The following BIRC3 variants were observed in gnomAD, a reference collection of about 807,000 sequenced individuals.
The protein encoded by BIRC3 is baculoviral IAP repeat containing 3.
In BIRC3, 26 loss-of-function variants were observed where a neutral mutation model predicts 59.0. The observed-to-expected ratio is 0.44, with a 90% CI of 0.32 to 0.61. The LOEUF (loss-of-function observed/expected upper bound fraction) is 0.61. BIRC3 is among the 20% of genes least tolerant of loss of function. The pLI is 0.04. For missense variants in BIRC3, 641 were observed against 711.5 expected, an observed-to-expected ratio of 0.90 and a Z score of 1.13; for synonymous variants, 243 against 249.2, an observed-to-expected ratio of 0.98 and a Z score of 0.24.
chr11:102,337,026 A>T lies in BIRC3; in HGVS notation c.1739A>T (p.Asp580Val). The T allele has an allele frequency of 3.1e-6, 5 of 1,602,470 alleles. No individual in the cohort carries two copies. The highest frequency in any genetic ancestry group is 4.2e-6 in the Non-Finnish European group (5 of 1,177,490). ...IPCGHLVVCK[D>V]CAPSLRKCPI... is the part of the protein sequence containing the mutation. ...TGTGGTCATCTAGTAGTATGCAAAG[A>T]TTGTGCTCCTTCTTTAAGAAAGTGT... Residue 580 changes from aspartate (D) to valine (V), a missense_variant, in exon 9 of 9, where the codon GAT becomes GTT. Around this residue, in one of 4 missense-constraint regions of BIRC3, gnomAD observed 41 missense variants for 73.4 expected, o/e 0.56. Coordinates refer to ENST00000263464, the MANE Select transcript of BIRC3 (RefSeq NM_001165.5).
rs1489398548 is a variant in BIRC3, at chr11:102,323,197, A to G, written c.-1313A>G. The G allele has an allele frequency of 2.0e-5, 4 of 198,348 alleles. No individual in the cohort carries two copies. The highest frequency in any genetic ancestry group is 4.2e-5 in the Non-Finnish European group (4 of 95,910). 12.3% of individuals were successfully genotyped at this position (198,348 alleles called of 1,614,324 possible). On this transcript the variant is annotated 5_prime_UTR_variant, in exon 2 of 9. Coordinates refer to ENST00000263464, the MANE Select transcript of BIRC3 (RefSeq NM_001165.5). ...ACAATGTTAGTTCTTTGAGGGGGACAAAAAATTTAAAATCTTTGAAAGGTC... is the reference window on the plus strand; with the variant it reads ...ACAATGTTAGTTCTTTGAGGGGGACGAAAAATTTAAAATCTTTGAAAGGTC...
At chr11:102,334,564 T>A (rs1455555316) in intron 6 of BIRC3, among the ~76,000 whole-genome samples, 1 of 152,224 alleles carries the variant, frequency 6.6e-6, no homozygotes, top group Admixed American at 6.5e-5. Context: ...AAAGTCAGTG[T>A]ATCTAAAATC....
rs749261597 is a variant in BIRC3 at position 102,321,901 on chromosome 11, A to G, written c.-2609A>G. On this transcript the variant is annotated 5_prime_UTR_variant, in exon 2 of 9. Coordinates refer to ENST00000263464, the MANE Select transcript of BIRC3 (RefSeq NM_001165.5). The stretch of plus-strand genomic sequence containing the variant: ...TTCAGTTTCTTCTATAAATCAAAAC[A>G]TCTCAAAATGGAGACCTAAAATCCT... 28 of 186,502 alleles carry G rather than the reference A, an allele frequency of 1.5e-4. No individual in the cohort carries two copies. Among genetic ancestry groups the G allele is most frequent in the Non-Finnish European group, 2.9e-4 (26 of 88,274 alleles). The allele number at this position is 186,502 out of a possible 1,614,324, so 11.6% of individuals were successfully genotyped here. A position where few individuals can be genotyped will look rare whatever the true frequency, so the allele number is the denominator to read the frequency against.
intron 1 of BIRC3, among the ~76,000 whole-genome samples, chr11:102,318,096 A>G (rs2135779315): frequency 6.6e-6 from 1 of 152,344 alleles, no homozygotes; most frequent in Admixed American, 6.5e-5. Flanking sequence ...TGCTAACGTA[A>G]CAATAATATT....
rs1485039080 is a variant in BIRC3 at position 102,328,887 on chromosome 11, T to TC, written c.1033-10_1033-9insC. On this transcript the variant is annotated splice_polypyrimidine_tract_variant and intron_variant, in intron 4 of 8. Coordinates refer to ENST00000263464, the MANE Select transcript of BIRC3 (RefSeq NM_001165.5). ...ATATATATATATATATATATTTTTT[T>TC]TTTCTGCAGCTGCTATCCACATCAG... The TC allele has an allele frequency of 8.3e-7, 1 of 1,206,818 alleles. No individual in the cohort carries two copies. The highest frequency in any genetic ancestry group is 1.1e-6 in the Non-Finnish European group (1 of 927,876). 74.8% of individuals were successfully genotyped at this position (1,206,818 alleles called of 1,614,324 possible).
rs578121391 is a variant in BIRC3, at chr11:102,323,602, G to A, written c.-908G>A. 1 of 191,120 alleles carries A rather than the reference G, an allele frequency of 5.2e-6. No individual in the cohort carries two copies. Among genetic ancestry groups the A allele is most frequent in the Admixed American group, 6.1e-5 (1 of 16,316 alleles). The allele number at this position is 191,120 out of a possible 1,614,324, so 11.8% of individuals were successfully genotyped here. On this transcript the variant is annotated 5_prime_UTR_variant, in exon 2 of 9. The change abolishes an upstream ATG in the 5' untranslated region. Coordinates refer to ENST00000263464, the MANE Select transcript of BIRC3 (RefSeq NM_001165.5). ...AGCAATCATATTCCTGATGATCTAT[G>A]GGAAATAACTATTATTTAATTAATA...
chr11:102,321,463 T>G (rs1951029951), intron 1 of BIRC3, among the ~76,000 whole-genome samples: 1 of 152,142 alleles, frequency 6.6e-6, no homozygotes, highest in South Asian at 2.1e-4. Context: ...CACATGATTC[T>G]CCTGCCTCAG....
chr11:102,337,320 G>A lies in BIRC3; in HGVS notation c.*218G>A, dbSNP rs1951207209. ...GGCTTTTGTTCTTATGAACGAAAAA[G>A]AGGTAGCACTACAAACACAATATTC... On this transcript the variant is annotated 3_prime_UTR_variant, in exon 9 of 9. Transcript: ENST00000263464. 1 of 408,244 alleles carries A rather than the reference G, an allele frequency of 2.4e-6. No homozygotes were observed. The highest frequency in any genetic ancestry group is 1.1e-4 in the South Asian group (1 of 8,734). The allele number at this position is 408,244 out of a possible 1,614,324, so 25.3% of individuals were successfully genotyped here. A position where few individuals can be genotyped will look rare whatever the true frequency, so the allele number is the denominator to read the frequency against.
intron 1 of BIRC3, among the ~76,000 whole-genome samples, chr11:102,317,843 G>A (rs1950986408): frequency 6.6e-6 from 1 of 152,326 alleles, no homozygotes; most frequent in Admixed American, 6.5e-5. Flanking sequence ...TGAAGTTGTG[G>A]CATTTTGATT....
chr11:102,320,142 T>C (rs905336935), intron 1 of BIRC3: 2 of 152,246 alleles, frequency 1.3e-5, no homozygotes, highest in Non-Finnish European at 2.9e-5. Context: ...GTGCTGGGAT[T>C]ACAGGCGTGA....
At chr11:102,318,015 C>G (rs1950989190) in intron 1 of BIRC3, among the ~76,000 whole-genome samples, 1 of 152,106 alleles carries the variant, frequency 6.6e-6, no homozygotes, top group Non-Finnish European at 1.5e-5. Flanking sequence ...TGGTTGTCTT[C>G]CTGGTGATCA....
intron 6 of BIRC3, among the ~76,000 whole-genome samples, chr11:102,333,043 T>A (rs1026664765): frequency 6.6e-6 from 1 of 152,192 alleles, no homozygotes; most frequent in Non-Finnish European, 1.5e-5. Context: ...CAGAAATGAC[T>A]TCAAGTCAAC....
chr11:102,335,865 A>G (rs1951190003), intron 6 of BIRC3, 101 bp from the exon 7 acceptor site: 2 of 1,237,590 alleles, frequency 1.6e-6, no homozygotes, highest in Non-Finnish European at 2.2e-6. Context: ...CTTACTGATT[A>G]CGAATTAAAG....
chr11:102,338,005 GGAA>G lies in BIRC3; in HGVS notation c.*908_*910del. 1 of 226,214 alleles carries G rather than the reference GGAA, an allele frequency of 4.4e-6. No individual in the cohort carries two copies. The highest frequency in any genetic ancestry group is 8.8e-6 in the Non-Finnish European group (1 of 113,748). The allele number at this position is 226,214 out of a possible 1,614,324, so 14.0% of individuals were successfully genotyped here. A position where few individuals can be genotyped will look rare whatever the true frequency, so the allele number is the denominator to read the frequency against. ...AAGTCTCATGCCAGCCCCACCTATTGGAAGAAGGTCTGAGTTTTATTCTTATCT... is the reference window on the plus strand; with the variant it reads ...AAGTCTCATGCCAGCCCCACCTATTGGAAGGTCTGAGTTTTATTCTTATCT... On this transcript the variant is annotated 3_prime_UTR_variant, in exon 9 of 9. Transcript: ENST00000263464.
rs888539217 is a variant in BIRC3 at position 102,322,887 on chromosome 11, A to C, written c.-1623A>C. The C allele has an allele frequency of 1.4e-5, 3 of 210,574 alleles. No homozygotes were observed. The highest frequency in any genetic ancestry group is 2.9e-5 in the Non-Finnish European group (3 of 103,842). The allele number at this position is 210,574 out of a possible 1,614,324, so 13.0% of individuals were successfully genotyped here. A position where few individuals can be genotyped will look rare whatever the true frequency, so the allele number is the denominator to read the frequency against. Reference sequence around the variant, plus strand: ...AATGGCTAGTAAATCATAATTGAGAAATTCTGAATTTTGACAAGGTCTCTG... The same window carrying C: ...AATGGCTAGTAAATCATAATTGAGACATTCTGAATTTTGACAAGGTCTCTG... On this transcript the variant is annotated 5_prime_UTR_variant, in exon 2 of 9. Transcript: ENST00000263464.
At chr11:102,328,999 T>G in intron 5 of BIRC3, 54 bp downstream of exon 5, 1 of 1,052,240 alleles carries the variant, frequency 9.5e-7, no homozygotes, top group Non-Finnish European at 1.4e-6. Flanking sequence ...TTGGTACTGT[T>G]AATATTGAAA....
intron 3 of BIRC3, among the ~76,000 whole-genome samples, chr11:102,327,847 A>C (rs553680056): frequency 1.3e-5 from 2 of 152,316 alleles, no homozygotes; most frequent in South Asian, 4.1e-4. Context: ...AAAGCAATAC[A>C]ATAGAATCAG....
At position 102,336,180 on chromosome 11, in the gene BIRC3, T is replaced by C; in HGVS notation, c.1539T>C (p.Ser513=). 1.2e-6 allele frequency: 2 copies of C among 1,613,328 alleles called. No individual in the cohort carries two copies. The highest frequency in any genetic ancestry group is 1.7e-6 in the Non-Finnish European group (2 of 1,179,666). ...GNIAATVFRN[S]LQEAEAVLYE... is the part of the protein sequence containing the mutation. ...TTGCAGCCACTGTATTCAGAAACTCTCTGCAAGAAGCTGAAGCTGTGTTAT... is the reference window on the plus strand; with the variant it reads ...TTGCAGCCACTGTATTCAGAAACTCCCTGCAAGAAGCTGAAGCTGTGTTAT... The change falls in exon 7 of 9, where the codon TCT becomes TCC. Residue 513 remains serine, a synonymous_variant. Transcript: ENST00000263464.
Position 102,320,591 on chromosome 11 carries a change from G to C in BIRC3, c.-2673-1246G>C, listed in dbSNP as rs572205137. Among the ~76,000 whole-genome samples the C allele has an allele frequency of 5.3e-5, 8 of 152,262 alleles. No homozygotes were observed. In the East Asian group the frequency reaches 7.7e-4, roughly 15 times the overall value. On this transcript the variant is annotated intron_variant, in intron 1 of 8. Coordinates refer to ENST00000263464, the MANE Select transcript of BIRC3 (RefSeq NM_001165.5). ...TGTGGGGTGTCTCTTTTAAATGAAAGCATACTCTGTTTACGTATTTGATAT... is the reference window on the plus strand; with the variant it reads ...TGTGGGGTGTCTCTTTTAAATGAAACCATACTCTGTTTACGTATTTGATAT...
Sources: gnomAD v4.1 joint callset for allele counts (sites outside exome capture counted in the v4.1 genomes callset) on GRCh38, gnomAD v4.1.1 for gene constraint, gnomAD v4.1.1 regional missense constraint, MANE v1.5 for transcripts, NCBI Gene and HGNC (gene_info 2026-07-23, HGNC 2026-07-21) for gene names.